KITLG: variants seen among roughly 807,000 people sequenced by gnomAD.
KITLG encodes the protein KIT ligand.
KITLG carries 13 observed loss-of-function variants against 34.1 expected under a neutral mutation model. The ratio of observed to expected loss-of-function variants is 0.38; its 90% CI spans 0.25 to 0.61. KITLG has a LOEUF of 0.61. Ranked by LOEUF, KITLG falls within the 20% of genes least tolerant of loss-of-function variation. The pLI, the probability that KITLG is intolerant of heterozygous loss-of-function variation, is 0.60. For missense variants in KITLG, 292 were observed against 318.9 expected (o/e 0.92, Z 0.64); for synonymous variants, 110 against 104.0 (o/e 1.06, Z -0.35).
chr12:88,505,909 T>G (rs1419100637), intron 8 of KITLG, among the ~76,000 whole-genome samples: 1 of 152,154 alleles, frequency 6.6e-6, no homozygotes, highest in African/African-American at 2.4e-5. Flanking sequence ...TAATGCTTCC[T>G]ACTGAAAGAA....
In KITLG at chr12:88,495,268, C is replaced by T. The variant is rs1868591803; in HGVS notation, c.*1951G>A. The T allele has an allele frequency of 6.6e-6, 1 of 152,022 alleles. No homozygotes were observed. The highest frequency in any genetic ancestry group is 6.6e-5 in the Admixed American group (1 of 15,220). The allele number at this position is 152,022 out of a possible 1,614,324, so 9.4% of individuals were successfully genotyped here. On this transcript the variant is annotated 3_prime_UTR_variant, in exon 10 of 10. Transcript: ENST00000644744. The stretch of plus-strand genomic sequence containing the variant: ...GAAACCATTGGTTAAATAAATCAAA[C>T]TACTAGATTGAGAAGTATCTATCTT...
At chr12:88,524,892 C>T (rs866828457) in intron 3 of KITLG, among the ~76,000 whole-genome samples, 3 of 152,028 alleles carry the variant, frequency 2.0e-5, no homozygotes, top group Non-Finnish European at 2.9e-5. Context: ...ATTTGGCTGA[C>T]GTCTATTTTT....
In KITLG at chr12:88,524,500, T is replaced by G. The variant is rs553395034; in HGVS notation, c.193-5633A>C. Among the ~76,000 whole-genome samples the G allele has an allele frequency of 1.1e-4, 17 of 152,328 alleles. 1 individual carries two copies. In the South Asian group the frequency reaches 3.3e-3, roughly 30 times the overall value. The stretch of plus-strand genomic sequence containing the variant: ...ACATATAAAACATTCCATTAATAAT[T>G]TTTATATTGATTTTAAGGTGAAATG... On this transcript the variant is annotated intron_variant, in intron 3 of 9. Coordinates refer to ENST00000644744, the MANE Select transcript of KITLG (RefSeq NM_000899.5).
chr12:88,550,773 C>G (rs2120926533), intron 1 of KITLG, among the ~76,000 whole-genome samples: 1 of 152,256 alleles, frequency 6.6e-6, no homozygotes, highest in Admixed American at 6.5e-5. Flanking sequence ...TAGCAGATCT[C>G]TAAAACTTTA....
chr12:88,555,767 G>A (rs11104950), intron 1 of KITLG, among the ~76,000 whole-genome samples: 9,928 of 152,214 alleles, frequency 0.065, 440 homozygotes, highest in Middle Eastern at 0.11. Context: ...ACAAAATTGG[G>A]TGCTTTCAGA....
Position 88,513,529 on chromosome 12 carries a change from G to C in KITLG, c.604+2005C>G, listed in dbSNP as rs769995017. On this transcript the variant is annotated intron_variant, in intron 6 of 9. Coordinates refer to ENST00000644744, the MANE Select transcript of KITLG (RefSeq NM_000899.5). Reference sequence around the variant, plus strand: ...GCCCAAGTGTATGTTGTCTACTAGAGATGTACTTTAAAAATACAGACAACA... The same window carrying C: ...GCCCAAGTGTATGTTGTCTACTAGACATGTACTTTAAAAATACAGACAACA... Among the ~76,000 whole-genome samples, 40 of 151,642 alleles carry C rather than the reference G, an allele frequency of 2.6e-4. 1 individual carries two copies. The highest frequency in any genetic ancestry group is 1.3e-4 in the Admixed American group (2 of 15,204).
chr12:88,561,317 A>G (rs895649744), intron 1 of KITLG, among the ~76,000 whole-genome samples: 3 of 152,222 alleles, frequency 2.0e-5, no homozygotes, highest in Non-Finnish European at 4.4e-5. Context: ...TAGAACAAGC[A>G]TTCCTAGTAA....
intron 3 of KITLG, among the ~76,000 whole-genome samples, chr12:88,523,730 T>C (rs779610138): frequency 4.6e-5 from 7 of 152,254 alleles, no homozygotes; most frequent in Non-Finnish European, 7.3e-5. Flanking sequence ...AAATATTGCA[T>C]GTTCATGTTG....
At chr12:88,497,385 T>C (rs1181866780) in intron 9 of KITLG, among the ~76,000 whole-genome samples, 1 of 152,198 alleles carries the variant, frequency 6.6e-6, no homozygotes, top group Non-Finnish European at 1.5e-5. Flanking sequence ...GGTAACACAT[T>C]ATCTGAAACA....
In KITLG at chr12:88,493,176, T is replaced by A. The variant is rs139742659; in HGVS notation, c.*4043A>T. ...AGAATAGAATATTTTGATTGGAAAA[T>A]TATATTTAGTGAGTATTGTAGCTCA... is the stretch of plus-strand genomic sequence containing the variant. On this transcript the variant is annotated 3_prime_UTR_variant, in exon 10 of 10. Transcript: ENST00000644744. 3.4e-3 allele frequency: 520 copies of A among 152,408 alleles called. 4 individuals are homozygous for A. The highest frequency in any genetic ancestry group is 0.012 in the African/African-American group (496 of 41,516). 9.4% of individuals were successfully genotyped at this position (152,408 alleles called of 1,614,324 possible). A position where few individuals can be genotyped will look rare whatever the true frequency, so the allele number is the denominator to read the frequency against.
intron 1 of KITLG, among the ~76,000 whole-genome samples, chr12:88,547,197 C>T (rs972480667): frequency 1.3e-5 from 2 of 152,008 alleles, no homozygotes; most frequent in African/African-American, 4.8e-5. Context: ...CATAGCTAGC[C>T]ATATTAAAAA....
chr12:88,573,508 T>C (rs544170472), intron 1 of KITLG, among the ~76,000 whole-genome samples: 2 of 152,170 alleles, frequency 1.3e-5, no homozygotes, highest in East Asian at 1.9e-4. Context: ...AACAAGCCAA[T>C]AATGAGATGC....
rs536813112 is a variant in KITLG, at chr12:88,548,106, TGCTTTGCCCAGCACCAAG to T, written c.16-2259_16-2242del. 4.4e-4 allele frequency among the ~76,000 whole-genome samples: 67 copies of T among 152,272 alleles called. No homozygotes were observed. The South Asian group carries it at 0.013, about 29-fold the overall frequency. ...CACAGTCATGAGTCACCATGTGTACTGCTTTGCCCAGCACCAAGGCTTTGCCCAGCACCAAGTGTACTG... is the reference window on the plus strand; with the variant it reads ...CACAGTCATGAGTCACCATGTGTACTGCTTTGCCCAGCACCAAGTGTACTG... On this transcript the variant is annotated intron_variant, in intron 1 of 9. Coordinates refer to ENST00000644744, the MANE Select transcript of KITLG (RefSeq NM_000899.5).
In KITLG at chr12:88,526,446, T is replaced by C. The variant is rs73439016; in HGVS notation, c.192+5995A>G. 9.9e-3 allele frequency among the ~76,000 whole-genome samples: 1,515 copies of C among 152,300 alleles called. 22 individuals carry two copies. The highest frequency in any genetic ancestry group is 0.035 in the African/African-American group (1,450 of 41,576). On this transcript the variant is annotated intron_variant, in intron 3 of 9. Coordinates refer to ENST00000644744, the MANE Select transcript of KITLG (RefSeq NM_000899.5). ...GCCTCAAGGAAATTACAAATGATTA[T>C]ATGGTAGGGAAATTTTCTTCCTCCT...
chr12:88,510,952 T>C (rs1490480253), intron 6 of KITLG, among the ~76,000 whole-genome samples: 2 of 152,216 alleles, frequency 1.3e-5, no homozygotes, highest in Admixed American at 6.5e-5. Flanking sequence ...TTTACGTCTG[T>C]TTCTCTCTGA....
intron 4 of KITLG, 24 bp from the exon 5 acceptor site, chr12:88,516,514 T>G: frequency 6.5e-7 from 1 of 1,535,872 alleles, no homozygotes; most frequent in South Asian, 1.1e-5. Context: ...TAGGATTACA[T>G]TTTTCAAATA....
intron 1 of KITLG, among the ~76,000 whole-genome samples, chr12:88,570,848 A>T (rs1871627864): frequency 1.3e-5 from 2 of 152,180 alleles, no homozygotes; most frequent in Admixed American, 1.3e-4. Context: ...ATGGTGTTTC[A>T]CCCATGGGGA....
At chr12:88,519,827 C>G (rs11104915) in intron 3 of KITLG, among the ~76,000 whole-genome samples, 1 of 151,934 alleles carries the variant, frequency 6.6e-6, no homozygotes, top group East Asian at 1.9e-4. Context: ...TCTTGCTTTG[C>G]TGCTCAGGCT....
At chr12:88,535,650 ATATTTGTGGTCGC>A (rs1870287166) in intron 2 of KITLG, among the ~76,000 whole-genome samples, 1 of 152,196 alleles carries the variant, frequency 6.6e-6, no homozygotes, top group Non-Finnish European at 1.5e-5. Context: ...CAAGTTGTAG[ATATTTGTGGTCGC>A]TTAATAAATT....
Sources: gnomAD v4.1 joint callset for allele counts (sites outside exome capture counted in the v4.1 genomes callset) on GRCh38, gnomAD v4.1.1 for gene constraint, MANE v1.5 for transcripts, NCBI Gene and HGNC (gene_info 2026-07-23, HGNC 2026-07-21) for gene names.